ARMC8: variants seen among roughly 807,000 people sequenced by gnomAD.
ARMC8 encodes armadillo repeat-containing protein 8.
Under a neutral mutation model 99.3 loss-of-function variants are expected in ARMC8, and 20 were observed. The observed-to-expected ratio is 0.20, with a 90% CI of 0.14 to 0.29. The LOEUF is 0.29. ARMC8 is among the 10% of genes least tolerant of loss of function. ARMC8 has a pLI of 1.00. For synonymous variants in ARMC8, 263 were observed against 278.3 expected (o/e 0.95, Z 0.55); for missense variants, 569 against 809.5 (o/e 0.70, Z 3.60).
rs1576585479 is a variant in ARMC8, at chr3:138,198,601, C to T, written c.45+11002C>T. 2.0e-5 allele frequency among the ~76,000 whole-genome samples: 3 copies of T among 152,158 alleles called. No individual in the cohort carries two copies. The South Asian group carries it at 6.2e-4, about 32-fold the overall frequency. The stretch of plus-strand genomic sequence containing the variant: ...CGTCTCGGCTCACTGCAACCTCCGC[C>T]TCCCGGGTTCAAGTGATTCTCCTGC... On this transcript the variant is annotated intron_variant, in intron 1 of 21. Coordinates refer to ENST00000469044, the MANE Select transcript of ARMC8 (RefSeq NM_001363941.2).
chr3:138,287,945 C>G (rs753821569), intron 19 of ARMC8: 41 of 202,504 alleles, frequency 2.0e-4, no homozygotes, highest in Non-Finnish European at 3.5e-4. Context: ...AACACCCTAT[C>G]CAAAGCAACC....
chr3:138,243,064 A>C (rs955167852), intron 11 of ARMC8, among the ~76,000 whole-genome samples: 1 of 152,200 alleles, frequency 6.6e-6, no homozygotes, highest in African/African-American at 2.4e-5. Flanking sequence ...TATCTTACCA[A>C]TACAAAGATA....
chr3:138,274,394 T>C (rs2049076473), intron 17 of ARMC8, 55 bp from the exon 18 acceptor site: 1 of 1,198,042 alleles, frequency 8.3e-7, no homozygotes. Context: ...AAGCCTTGTA[T>C]TCGTCCTGTG....
chr3:138,221,866 T>C (rs2045416213), intron 2 of ARMC8, 60 bp from the exon 3 acceptor site: 14 of 1,282,800 alleles, frequency 1.1e-5, no homozygotes, highest in Non-Finnish European at 1.6e-5. Flanking sequence ...AGTAGAATGA[T>C]CTTTGATTTT....
At chr3:138,199,549 G>A (rs1461120375) in intron 1 of ARMC8, among the ~76,000 whole-genome samples, 1 of 152,104 alleles carries the variant, frequency 6.6e-6, no homozygotes, top group East Asian at 1.9e-4. Flanking sequence ...AATTAGTTTT[G>A]TCTAATAGTG....
chr3:138,291,053 A>C (rs763932234), intron 21 of ARMC8, among the ~76,000 whole-genome samples: 6 of 152,232 alleles, frequency 3.9e-5, no homozygotes, highest in Non-Finnish European at 8.8e-5. Flanking sequence ...GCTACCACTA[A>C]GGAATCACTG....
In ARMC8 at chr3:138,263,721, A is replaced by G. The variant is rs2047985482; in HGVS notation, c.1135-18A>G. The G allele has an allele frequency of 6.2e-7, 1 of 1,604,656 alleles. No individual in the cohort carries two copies. ...ACCTTCATGTTGTTATTTATGCAGC[A>G]TTAACCTTTTTCTCCAGATCATTGA... is the stretch of plus-strand genomic sequence containing the variant. On this transcript the variant is annotated intron_variant, in intron 12 of 21. Transcript: ENST00000469044.
chr3:138,243,741 G>T (rs1324619926), intron 11 of ARMC8, among the ~76,000 whole-genome samples: 1 of 152,088 alleles, frequency 6.6e-6, no homozygotes, highest in Non-Finnish European at 1.5e-5. Context: ...CACACAGTCA[G>T]TGACAACTAA....
intron 5 of ARMC8, among the ~76,000 whole-genome samples, chr3:138,225,081 G>T (rs940824333): frequency 1.3e-5 from 2 of 149,886 alleles, no homozygotes; most frequent in Non-Finnish European, 3.0e-5. Flanking sequence ...ATGAGGCACC[G>T]TGCTCAGCCC....
rs1293852531 is a variant in ARMC8, at chr3:138,209,876, A to G, written c.105A>G (p.Lys35=). The stretch of plus-strand genomic sequence containing the variant: ...GGCTATTTGACCCTGATCCCCAGAA[A>G]GTTCTACAAGGTGTCATGTAAGTAG... ...VDRLFDPDPQ[K]VLQGVIDMKN... Residue 35 remains lysine (K), a synonymous_variant, in exon 2 of 22, where the codon AAA becomes AAG. Coordinates refer to ENST00000469044, the MANE Select transcript of ARMC8 (RefSeq NM_001363941.2). The G allele has an allele frequency of 6.2e-7, 1 of 1,613,800 alleles. No individual in the cohort carries two copies. Among genetic ancestry groups the G allele is most frequent in the Non-Finnish European group, 8.5e-7 (1 of 1,179,758 alleles).
At chr3:138,272,046 G>T (rs1027193173) in intron 16 of ARMC8, among the ~76,000 whole-genome samples, 1 of 152,144 alleles carries the variant, frequency 6.6e-6, no homozygotes, top group South Asian at 2.1e-4. Flanking sequence ...GACATGTATA[G>T]CTTGGGATTA....
chr3:138,242,906 A>AG (rs1443766367), intron 11 of ARMC8, among the ~76,000 whole-genome samples: 1 of 152,204 alleles, frequency 6.6e-6, no homozygotes, highest in East Asian at 1.9e-4. Flanking sequence ...TATTTGTATT[A>AG]GTAATGTACT....
rs533037325 is a variant in ARMC8 at position 138,255,272 on chromosome 3, G to A, written c.1135-8467G>A. Among the ~76,000 whole-genome samples the A allele has an allele frequency of 8.0e-4, 117 of 145,510 alleles. 1 individual carries two copies. The highest frequency in any genetic ancestry group is 3.0e-3 in the Admixed American group (41 of 13,896). ...GGCTGGAGTGCAGTGGCGTGATCTC[G>A]GCTCACTGCAAGCTCCACCTCCCGG... On this transcript the variant is annotated intron_variant, in intron 12 of 21. Coordinates refer to ENST00000469044, the MANE Select transcript of ARMC8 (RefSeq NM_001363941.2).
intron 1 of ARMC8, chr3:138,188,652 TGTC>T (rs1415623211): frequency 1.5e-6 from 2 of 1,320,970 alleles, no homozygotes; most frequent in East Asian, 4.6e-5. Flanking sequence ...ATAAATGACT[TGTC>T]GGGTTCCTAG....
chr3:138,271,798 C>CTTTTTTTTTTTTTTTTTTTTTT (rs776320900), intron 16 of ARMC8, among the ~76,000 whole-genome samples: 7 of 136,134 alleles, frequency 5.1e-5, no homozygotes, highest in African/African-American at 1.7e-4. Context: ...TTTTTTCTTT[C>CTTTTTTTTTTTTTTTTTTTTTT]TTTTTTTTTT....
chr3:138,196,578 T>G (rs2043747227), intron 1 of ARMC8, among the ~76,000 whole-genome samples: 1 of 151,942 alleles, frequency 6.6e-6, no homozygotes, highest in South Asian at 2.1e-4. Flanking sequence ...GTCAAGAAAA[T>G]GTAGCAAAAG....
intron 18 of ARMC8, among the ~76,000 whole-genome samples, chr3:138,275,792 G>A (rs2049233332): frequency 6.6e-6 from 1 of 152,122 alleles, no homozygotes; most frequent in Admixed American, 6.5e-5. Context: ...AAAGTTGGTA[G>A]GTTTGATAAA....
In ARMC8 at chr3:138,293,034, C is replaced by T. The variant is rs764065467; in HGVS notation, c.1988+2395C>T. On this transcript the variant is annotated intron_variant, in intron 21 of 21. Transcript: ENST00000469044. Reference sequence around the variant, plus strand: ...AAAGCCTTGCCTGACCCACTCTCCACCCTCCCCTCCAGGCTTTGCCAGGGA... The same window carrying T: ...AAAGCCTTGCCTGACCCACTCTCCATCCTCCCCTCCAGGCTTTGCCAGGGA... Among the ~76,000 whole-genome samples the T allele has an allele frequency of 2.1e-4, 32 of 152,206 alleles. 1 individual carries two copies. The highest frequency in any genetic ancestry group is 4.4e-4 in the Non-Finnish European group (30 of 68,028).
intron 18 of ARMC8, among the ~76,000 whole-genome samples, chr3:138,282,131 A>G (rs1320623761): frequency 6.6e-6 from 1 of 152,216 alleles, no homozygotes; most frequent in African/African-American, 2.4e-5. Context: ...TTGTCTTAGT[A>G]AAGCCTGGCA....
Sources: allele counts gnomAD v4.1 joint callset (sites outside exome capture counted in the v4.1 genomes callset), GRCh38; gene constraint gnomAD v4.1.1; transcripts MANE v1.5; gene names NCBI Gene and HGNC (gene_info 2026-07-23, HGNC 2026-07-21).